Variants in TENM2 observed in about 807,000 individuals in gnomAD.
The protein encoded by TENM2 is teneurin-2.
TENM2 carries 52 observed loss-of-function variants against 245.2 expected under a neutral mutation model. The ratio of observed to expected loss-of-function variants is 0.21; its 90% CI spans 0.17 to 0.27. The LOEUF (loss-of-function observed/expected upper bound fraction) is 0.27, where lower values mean the gene tolerates loss of function less well. Ranked by LOEUF, TENM2 falls within the 10% of genes least tolerant of loss-of-function variation. TENM2 has a pLI of 1.00. For missense variants in TENM2, 3,046 were observed against 3,666.8 expected (o/e 0.83, Z 4.37); for synonymous variants, 1,363 against 1,438.9 (o/e 0.95, Z 1.19).
At position 168,100,548 on chromosome 5, in the gene TENM2, G is replaced by A. The variant is rs184001478; in HGVS notation, c.1813+2421G>A. Among the ~76,000 whole-genome samples the A allele has an allele frequency of 7.9e-3, 1,196 of 152,274 alleles. 13 individuals are homozygous for A. The highest frequency in any genetic ancestry group is 0.027 in the African/African-American group (1,129 of 41,546). On this transcript the variant is annotated intron_variant, in intron 9 of 28. Transcript: ENST00000518659. ...GCACATATACACCACGAAATACTAT[G>A]CAGCCATAAAAAAGGATGAGTTCAT...
chr5:167,176,046 G>A, the TENM2 span, among the ~76,000 whole-genome samples: 1 of 152,130 alleles, frequency 6.6e-6, no homozygotes, highest in Non-Finnish European at 1.5e-5. Flanking sequence ...ACCTTTCCAC[G>A]AAGTTGCCAG....
At chr5:168,124,005 C>T (rs1017003829) in intron 10 of TENM2, among the ~76,000 whole-genome samples, 4 of 152,234 alleles carry the variant, frequency 2.6e-5, no homozygotes, top group Non-Finnish European at 5.9e-5. Flanking sequence ...CCTCTCCTCA[C>T]TCTGAGTTTA....
chr5:167,419,067 A>C (rs1250336305), intron 2 of TENM2, among the ~76,000 whole-genome samples: 1 of 152,196 alleles, frequency 6.6e-6, no homozygotes, highest in Non-Finnish European at 1.5e-5. Context: ...TATACGTTTC[A>C]TATCATAAAA....
chr5:167,125,666 C>T, the TENM2 span, among the ~76,000 whole-genome samples: 9 of 152,262 alleles, frequency 5.9e-5, no homozygotes, highest in East Asian at 7.7e-4. Flanking sequence ...TATATACACA[C>T]GCATATACAG....
At chr5:167,670,532 A>C (rs1216219721) in intron 2 of TENM2, among the ~76,000 whole-genome samples, 1 of 151,790 alleles carries the variant, frequency 6.6e-6, no homozygotes, top group East Asian at 1.9e-4. Flanking sequence ...GACCTGTATG[A>C]GACTCAGGAA....
chr5:168,000,593 A>G (rs554454313), intron 5 of TENM2, among the ~76,000 whole-genome samples: 1 of 152,224 alleles, frequency 6.6e-6, no homozygotes, highest in Non-Finnish European at 1.5e-5. Context: ...TTCAAATCCA[A>G]TGTCATCAAT....
chr5:167,567,944 G>T (rs565960657), intron 2 of TENM2, among the ~76,000 whole-genome samples: 1 of 147,764 alleles, frequency 6.8e-6, no homozygotes, highest in African/African-American at 2.5e-5. Flanking sequence ...TAGGTACAAG[G>T]TAGTACTCAA....
At chr5:168,189,341 G>A (rs1176144062) in intron 13 of TENM2, among the ~76,000 whole-genome samples, 2 of 152,222 alleles carry the variant, frequency 1.3e-5, no homozygotes, top group African/African-American at 4.8e-5. Context: ...GGATGAGTCA[G>A]TCCTGTCAGT....
At chr5:167,257,607 A>G in the TENM2 span, among the ~76,000 whole-genome samples, 9 of 152,124 alleles carry the variant, frequency 5.9e-5, no homozygotes, top group African/African-American at 4.8e-5. Flanking sequence ...TTAAAAAAAA[A>G]AAGTGGAGAA....
intron 2 of TENM2, among the ~76,000 whole-genome samples, chr5:167,424,026 G>A (rs1178836209): frequency 6.6e-6 from 1 of 152,262 alleles, no homozygotes; most frequent in Non-Finnish European, 1.5e-5. Flanking sequence ...ATTGTCAACT[G>A]AAACTATTTC....
intron 5 of TENM2, among the ~76,000 whole-genome samples, chr5:168,026,078 T>TC (rs138702375): frequency 0.036 from 5,437 of 152,146 alleles, 297 homozygotes; most frequent in Admixed American, 0.16. Flanking sequence ...TCTTTGCTCT[T>TC]CTCAAGGTAT....
chr5:167,679,509 G>C (rs1318945915), intron 2 of TENM2, among the ~76,000 whole-genome samples: 1 of 152,094 alleles, frequency 6.6e-6, no homozygotes, highest in Non-Finnish European at 1.5e-5. Flanking sequence ...TTTATTTAAA[G>C]TTAAGCGGGT....
intron 2 of TENM2, among the ~76,000 whole-genome samples, chr5:167,460,240 T>C (rs1166295412): frequency 6.6e-6 from 1 of 152,176 alleles, no homozygotes; most frequent in East Asian, 1.9e-4. Context: ...CATCATCCAA[T>C]GTTTGTAATA....
intron 27 of TENM2, among the ~76,000 whole-genome samples, chr5:168,252,835 G>A (rs541800825): frequency 2.5e-4 from 37 of 146,916 alleles, no homozygotes; most frequent in South Asian, 2.2e-3. Flanking sequence ...AAACAAGAGC[G>A]AAACTCAGTC....
chr5:167,834,367 A>G (rs75581376), intron 2 of TENM2, among the ~76,000 whole-genome samples: 1,985 of 152,328 alleles, frequency 0.013, 25 homozygotes, highest in Middle Eastern at 0.024. Context: ...CACAAGTCCA[A>G]TGAATGGTAG....
At chr5:167,989,262 TAGAGAAAG>T (rs1236138937) in intron 4 of TENM2, among the ~76,000 whole-genome samples, 69 of 126,470 alleles carry the variant, frequency 5.5e-4, no homozygotes, top group African/African-American at 2.1e-3. Flanking sequence ...AGATAGAAGA[TAGAGAAAG>T]AGAGAGAGAG....
chr5:167,518,386 T>C (rs1015691954), intron 2 of TENM2, among the ~76,000 whole-genome samples: 6 of 152,162 alleles, frequency 3.9e-5, no homozygotes, highest in Non-Finnish European at 8.8e-5. Flanking sequence ...TTCTTTGATT[T>C]GACCATAAGA....
chr5:167,391,696 T>C (rs1301780844), intron 2 of TENM2, among the ~76,000 whole-genome samples: 5 of 151,164 alleles, frequency 3.3e-5, no homozygotes, highest in African/African-American at 1.2e-4. Flanking sequence ...TTCCTAAGTA[T>C]TAAGATGAGA....
At chr5:167,755,260 G>C in intron 2 of TENM2, 1 of 1,232,042 alleles carries the variant, frequency 8.1e-7, no homozygotes, top group Non-Finnish European at 1.2e-6. Flanking sequence ...AGGGTAGTTG[G>C]AGTATTTACT....
Sources: gnomAD v4.1 joint callset for allele counts (sites outside exome capture counted in the v4.1 genomes callset) on GRCh38, gnomAD v4.1.1 for gene constraint, MANE v1.5 for transcripts, NCBI Gene and HGNC (gene_info 2026-07-23, HGNC 2026-07-21) for gene names.